The following KHDC4 variants were observed in gnomAD, a reference collection of about 807,000 sequenced individuals.
The protein encoded by KHDC4 is KH homology domain-containing protein 4.
A neutral mutation model predicts 74.5 loss-of-function variants in KHDC4; 19 were observed. The observed-to-expected ratio is 0.26, with a 90% confidence interval of 0.18 to 0.37. The LOEUF is 0.37. Ranked by LOEUF, KHDC4 falls within the 10% of genes least tolerant of loss-of-function variation. The probability of loss-of-function intolerance (pLI) is 1.00; values close to 1 mark genes in which losing one functional copy is unlikely to be tolerated. For missense variants in KHDC4, 632 were observed against 754.1 expected, an observed-to-expected ratio of 0.84 and a Z score of 1.90; for synonymous variants, 253 against 266.1, an observed-to-expected ratio of 0.95 and a Z score of 0.48.
At chr1:155,933,033 A>G (rs1674176562) in intron 2 of KHDC4, among the ~76,000 whole-genome samples, 2 of 152,340 alleles carry the variant, frequency 1.3e-5, no homozygotes, top group South Asian at 4.1e-4. Context: ...GACTTCAGGG[A>G]AAAAGCACAT....
At chr1:155,928,602 A>T (rs1008909801) in intron 4 of KHDC4, among the ~76,000 whole-genome samples, 7 of 151,162 alleles carry the variant, frequency 4.6e-5, no homozygotes, top group East Asian at 3.9e-4. Context: ...ACAAAAAAAA[A>T]AAAAAAAAAA....
chr1:155,931,054 G>T (rs1674130339), intron 2 of KHDC4, among the ~76,000 whole-genome samples: 1 of 151,904 alleles, frequency 6.6e-6, no homozygotes, highest in Non-Finnish European at 1.5e-5. Flanking sequence ...GGGACCGGTG[G>T]CTCACATCTG....
chr1:155,917,463 A>G, intron 11 of KHDC4, 36 bp downstream of exon 11: 2 of 1,500,072 alleles, frequency 1.3e-6, no homozygotes, highest in East Asian at 2.3e-5. Flanking sequence ...GTAGAAGAAT[A>G]AGGTGAAGAT....
intron 3 of KHDC4, 23 bp downstream of exon 3, chr1:155,929,689 A>G (rs1324613016): frequency 6.2e-7 from 1 of 1,603,120 alleles, no homozygotes; most frequent in Non-Finnish European, 8.5e-7. Flanking sequence ...CGCCCTCCCC[A>G]AAGAGTCTCA....
At chr1:155,928,048 A>G (rs1209098202) in intron 4 of KHDC4, among the ~76,000 whole-genome samples, 3 of 152,098 alleles carry the variant, frequency 2.0e-5, no homozygotes, top group Non-Finnish European at 4.4e-5. Flanking sequence ...ACAAAGTTCA[A>G]AACAGCAATC....
chr1:155,923,295 T>C (rs1234873900), intron 8 of KHDC4, among the ~76,000 whole-genome samples: 2 of 152,156 alleles, frequency 1.3e-5, no homozygotes, highest in Admixed American at 1.3e-4. Flanking sequence ...CTAACTGGTT[T>C]TAAATTATTA....
intron 10 of KHDC4, 84 bp downstream of exon 10, chr1:155,921,291 T>C: frequency 1.4e-6 from 2 of 1,469,384 alleles, no homozygotes; most frequent in Non-Finnish European, 1.9e-6. Flanking sequence ...TCACATGATT[T>C]ATTTCTGGAA....
intron 10 of KHDC4, among the ~76,000 whole-genome samples, chr1:155,920,716 T>G (rs1212148447): frequency 6.6e-5 from 10 of 152,034 alleles, no homozygotes; most frequent in Non-Finnish European, 1.3e-4. Flanking sequence ...ATTTTTTTTG[T>G]AGAGATGGAG....
chr1:155,918,274 T>G (rs776037038), intron 10 of KHDC4, among the ~76,000 whole-genome samples: 2 of 152,210 alleles, frequency 1.3e-5, no homozygotes, highest in Non-Finnish European at 2.9e-5. Flanking sequence ...AGTCTTGCTC[T>G]GTCTCCCAGG....
chr1:155,931,764 G>A (rs1327212772), intron 2 of KHDC4, among the ~76,000 whole-genome samples: 1 of 152,164 alleles, frequency 6.6e-6, no homozygotes, highest in Non-Finnish European at 1.5e-5. Flanking sequence ...ACATACTGTT[G>A]TTTACTTTGT....
intron 11 of KHDC4, 36 bp from the exon 12 acceptor site, chr1:155,916,773 TACA>T: frequency 7.2e-7 from 1 of 1,381,554 alleles, no homozygotes; most frequent in Non-Finnish European, 1.0e-6. Flanking sequence ...TTAGCAAATC[TACA>T]ACTGCCGTAT....
chr1:155,915,020 T>C (rs1391292149), intron 13 of KHDC4: 2 of 152,240 alleles, frequency 1.3e-5, no homozygotes, highest in Non-Finnish European at 2.9e-5. Flanking sequence ...GTTGTCTGTA[T>C]ACAATTTTTT....
At chr1:155,926,179 T>C (rs1673990127) in intron 6 of KHDC4, 1 of 461,388 alleles carries the variant, frequency 2.2e-6, no homozygotes, top group Non-Finnish European at 4.2e-6. Context: ...TTCTAGAATA[T>C]ATCAATATGA....
chr1:155,924,536 C>G (rs570112793), intron 7 of KHDC4, among the ~76,000 whole-genome samples: 3 of 150,272 alleles, frequency 2.0e-5, no homozygotes, highest in South Asian at 2.1e-4. Flanking sequence ...GACTTGAATA[C>G]TAAAGAGATA....
chr1:155,922,689 C>T (rs1449308318), intron 8 of KHDC4, among the ~76,000 whole-genome samples: 1 of 152,056 alleles, frequency 6.6e-6, no homozygotes, highest in African/African-American at 2.4e-5. Flanking sequence ...TTCGTATTTT[C>T]CTCATACTTC....
rs1486578573 is a variant in KHDC4 at position 155,929,703 on chromosome 1, C to T, written c.384+9G>A. On this transcript the variant is annotated intron_variant, in intron 3 of 13. Coordinates refer to ENST00000368321, the MANE Select transcript of KHDC4 (RefSeq NM_014949.4). ...CCGCCCTCCCCAAAGAGTCTCAATG[C>T]CTCCTCACCTCGTCTTGAGTCTGTC... The T allele has an allele frequency of 2.5e-6, 4 of 1,606,416 alleles. No individual in the cohort carries two copies. The highest frequency in any genetic ancestry group is 1.1e-5 in the South Asian group (1 of 89,262).
chr1:155,921,828 A>G (rs1053950596), intron 9 of KHDC4, 33 bp downstream of exon 9: 2 of 1,541,436 alleles, frequency 1.3e-6, no homozygotes, highest in African/African-American at 1.4e-5. Context: ...ATCACTAGCA[A>G]AATATTTTTT....
rs773110181 is a variant in KHDC4, at chr1:155,925,654, C to G, written c.871G>C (p.Glu291Gln). The G allele has an allele frequency of 1.2e-6, 2 of 1,614,054 alleles. No homozygotes were observed. Among genetic ancestry groups the G allele is most frequent in the African/African-American group, 2.7e-5 (2 of 74,928 alleles). ...IEPASGREAF[E>Q]PMYIYISHPK... ...TACCTGATGTAAATATACATAGGTTCAAAAGCTTCTCGGCCAGATGCTGGC... is the reference window on the plus strand; with the variant it reads ...TACCTGATGTAAATATACATAGGTTGAAAAGCTTCTCGGCCAGATGCTGGC... Residue 291 changes from glutamate (E) to glutamine (Q), a missense_variant, in exon 7 of 14, where the codon GAA becomes CAA. Transcript: ENST00000368321.
chr1:155,928,593 CAAAAAAA>C (rs10555758), intron 4 of KHDC4, among the ~76,000 whole-genome samples: 3 of 89,330 alleles, frequency 3.4e-5, no homozygotes, highest in African/African-American at 4.3e-5. Flanking sequence ...ATCATAAAGA[CAAAAAAA>C]AAAAAAAAAA....
Sources: gnomAD v4.1 joint callset for allele counts (sites outside exome capture counted in the v4.1 genomes callset) on GRCh38, gnomAD v4.1.1 for gene constraint, MANE v1.5 for transcripts, NCBI Gene and HGNC (gene_info 2026-07-23, HGNC 2026-07-21) for gene names.